The following MCTP2 variants were observed in gnomAD, a reference collection of about 807,000 sequenced individuals.
MCTP2 encodes multiple C2 and transmembrane domain-containing protein 2.
MCTP2 carries 132 observed loss-of-function variants against 111.6 expected under a neutral mutation model. The observed-to-expected ratio is 1.18, with a 90% CI of 1.03 to 1.37. The LOEUF is 1.37. Among genes scored for constraint, MCTP2 ranks in the 40% most tolerant of loss-of-function variants. The pLI, the probability that MCTP2 is intolerant of heterozygous loss-of-function variation, is 0.00. For synonymous variants in MCTP2, 395 were observed against 387.7 expected, an observed-to-expected ratio of 1.02 and a Z score of -0.22; for missense variants, 1,183 against 1,067.9, an observed-to-expected ratio of 1.11 and a Z score of -1.50.
At chr15:94,394,629 G>C (rs900454898) in intron 14 of MCTP2, among the ~76,000 whole-genome samples, 3 of 152,022 alleles carry the variant, frequency 2.0e-5, no homozygotes, top group Non-Finnish European at 2.9e-5. Flanking sequence ...GCTAGGTGTG[G>C]TGGCATGTGC....
intron 17 of MCTP2, among the ~76,000 whole-genome samples, chr15:94,424,822 T>C (rs2082800817): frequency 6.6e-6 from 1 of 152,186 alleles, no homozygotes; most frequent in Non-Finnish European, 1.5e-5. Flanking sequence ...ACGTTTCATA[T>C]GGTTGGGGGC....
intron 1 of MCTP2, among the ~76,000 whole-genome samples, chr15:94,274,531 G>A (rs2074082900): frequency 6.6e-6 from 1 of 151,906 alleles, no homozygotes; most frequent in Non-Finnish European, 1.5e-5. Context: ...GCAATAAAAA[G>A]GGTTATTTTT....
At chr15:94,420,141 A>G (rs1182342184) in intron 17 of MCTP2, among the ~76,000 whole-genome samples, 1 of 152,168 alleles carries the variant, frequency 6.6e-6, no homozygotes, top group Non-Finnish European at 1.5e-5. Context: ...AGCTTGGATG[A>G]GAGCACATCT....
At chr15:94,311,570 A>G (rs1168127677) in intron 2 of MCTP2, among the ~76,000 whole-genome samples, 1 of 152,118 alleles carries the variant, frequency 6.6e-6, no homozygotes, top group South Asian at 2.1e-4. Flanking sequence ...TCCTGTGCAT[A>G]TGGAACATTT....
At chr15:94,464,579 T>C (rs2073109213) in intron 20 of MCTP2, among the ~76,000 whole-genome samples, 2 of 151,884 alleles carry the variant, frequency 1.3e-5, no homozygotes, top group Non-Finnish European at 2.9e-5. Context: ...TATATTTTTC[T>C]AACTCTTTAA....
chr15:94,244,842 A>G (rs886913287), intron 1 of MCTP2, among the ~76,000 whole-genome samples: 5 of 139,246 alleles, frequency 3.6e-5, no homozygotes, highest in Admixed American at 7.0e-5. Flanking sequence ...ATGTTTATAT[A>G]CGTATATGTA....
At chr15:94,391,278 A>G (rs79686335) in intron 14 of MCTP2, among the ~76,000 whole-genome samples, 3,139 of 152,264 alleles carry the variant, frequency 0.021, 114 homozygotes, top group African/African-American at 0.072. Context: ...TGCATTTTCA[A>G]TTAACTCTAT....
intron 4 of MCTP2, among the ~76,000 whole-genome samples, 169 bp downstream of exon 4, chr15:94,315,806 C>T (rs1159161635): frequency 6.6e-6 from 1 of 152,230 alleles, no homozygotes; most frequent in Non-Finnish European, 1.5e-5. Context: ...CATTTAAACA[C>T]ACTAAACCTT....
At chr15:94,349,892 A>C (rs2078210648) in intron 8 of MCTP2, among the ~76,000 whole-genome samples, 1 of 151,958 alleles carries the variant, frequency 6.6e-6, no homozygotes, top group Non-Finnish European at 1.5e-5. Flanking sequence ...GAAACATTTC[A>C]GGATAAAATA....
chr15:94,260,872 T>C (rs1224142348), intron 1 of MCTP2, among the ~76,000 whole-genome samples: 1 of 152,116 alleles, frequency 6.6e-6, no homozygotes, highest in Non-Finnish European at 1.5e-5. Flanking sequence ...CCTCCTCCCT[T>C]TTGGAATTAC....
chr15:94,381,228 C>T (rs1456423132), intron 12 of MCTP2, among the ~76,000 whole-genome samples: 2 of 152,136 alleles, frequency 1.3e-5, no homozygotes, highest in African/African-American at 4.8e-5. Flanking sequence ...CTCAAAGTCC[C>T]CATATATCTG....
At chr15:94,436,655 G>A (rs2083492812) in intron 17 of MCTP2, among the ~76,000 whole-genome samples, 1 of 152,068 alleles carries the variant, frequency 6.6e-6, no homozygotes. Context: ...CTTAATACTG[G>A]TGGTTGTTCA....
chr15:94,355,496 G>C (rs1052284277), intron 8 of MCTP2, among the ~76,000 whole-genome samples: 1 of 152,190 alleles, frequency 6.6e-6, no homozygotes, highest in African/African-American at 2.4e-5. Context: ...AAGGAAATAA[G>C]AGTTAAGTTA....
intron 1 of MCTP2, among the ~76,000 whole-genome samples, chr15:94,246,836 A>C (rs901011737): frequency 1.3e-5 from 2 of 152,182 alleles, no homozygotes; most frequent in African/African-American, 4.8e-5. Context: ...AAATCGATTT[A>C]ACCTTTTTAA....
In MCTP2 at chr15:94,243,498, CAT is replaced by C. The variant is rs1215492777; in HGVS notation, c.-66+11837_-66+11838del. 2.2e-4 allele frequency among the ~76,000 whole-genome samples: 28 copies of C among 124,816 alleles called. 2 individuals are homozygous for C. The highest frequency in any genetic ancestry group is 1.0e-3 in the Admixed American group (13 of 12,854). The allele number at this position is 124,816 out of a possible 152,430, so 81.9% of individuals were successfully genotyped here. ...GTATGTACACACATACGTATGCGTA[CAT>C]ATGTATGCGTATATGCGTATGTACA... On this transcript the variant is annotated intron_variant, in intron 1 of 22. Transcript: ENST00000357742.
At chr15:94,248,673 CTACTT>C (rs1483885005) in intron 1 of MCTP2, among the ~76,000 whole-genome samples, 1 of 151,992 alleles carries the variant, frequency 6.6e-6, no homozygotes, top group African/African-American at 2.4e-5. Context: ...AGAGCTTCCT[CTACTT>C]TAAGTCTAAA....
chr15:94,407,616 A>G (rs866888410), intron 17 of MCTP2, among the ~76,000 whole-genome samples: 4 of 152,204 alleles, frequency 2.6e-5, no homozygotes, highest in Non-Finnish European at 4.4e-5. Context: ...AAAAAATACA[A>G]CTGTCCACTC....
At chr15:94,340,781 T>C in intron 6 of MCTP2, 32 bp from the exon 7 acceptor site, 1 of 1,354,810 alleles carries the variant, frequency 7.4e-7, no homozygotes, top group Non-Finnish European at 1.1e-6. Context: ...TGTCAATAAG[T>C]GGTAGCATTA....
intron 4 of MCTP2, among the ~76,000 whole-genome samples, chr15:94,324,806 G>A (rs2076785819): frequency 1.3e-5 from 2 of 150,640 alleles, no homozygotes; most frequent in African/African-American, 4.8e-5. Context: ...TTATCTTATT[G>A]TTTATTATAT....
Sources: allele counts gnomAD v4.1 joint callset (sites outside exome capture counted in the v4.1 genomes callset), GRCh38; gene constraint gnomAD v4.1.1; transcripts MANE v1.5; gene names NCBI Gene and HGNC (gene_info 2026-07-23, HGNC 2026-07-21).